The following TDRD10 variants were observed in gnomAD, a reference collection of about 807,000 sequenced individuals.
TDRD10 encodes the protein tudor domain-containing protein 10.
A neutral mutation model predicts 48.0 loss-of-function variants in TDRD10; 40 were observed. The observed-to-expected ratio is 0.83, with a 90% confidence interval of 0.65 to 1.09. TDRD10 has a LOEUF of 1.09. Among genes scored for constraint, TDRD10 ranks in the 50% least tolerant of loss-of-function variants. The probability of loss-of-function intolerance (pLI) is 0.00; values close to 1 mark genes in which losing one functional copy is unlikely to be tolerated. For missense variants in TDRD10, 378 were observed against 434.7 expected, an observed-to-expected ratio of 0.87 and a Z score of 1.16; for synonymous variants, 162 against 170.4, an observed-to-expected ratio of 0.95 and a Z score of 0.38.
chr1:154,505,817 C>A (rs953387144), intron 1 of TDRD10, among the ~76,000 whole-genome samples: 1 of 152,122 alleles, frequency 6.6e-6, no homozygotes, highest in Non-Finnish European at 1.5e-5. Flanking sequence ...CCCATAAAAT[C>A]CATAAAAATA....
intron 11 of TDRD10, 70 bp downstream of exon 11, chr1:154,545,019 G>C: frequency 3.8e-6 from 6 of 1,574,114 alleles, no homozygotes; most frequent in Non-Finnish European, 5.2e-6. Context: ...TCTGGGACCT[G>C]AACAGGAAGC....
intron 4 of TDRD10, among the ~76,000 whole-genome samples, chr1:154,515,739 A>T (rs997003475): frequency 2.0e-5 from 3 of 151,946 alleles, no homozygotes; most frequent in African/African-American, 7.3e-5. Flanking sequence ...TTTGAGATGG[A>T]ATTTCGCTCT....
intron 6 of TDRD10, among the ~76,000 whole-genome samples, chr1:154,525,460 C>T (rs79555859): frequency 0.012 from 1,874 of 152,220 alleles, 41 homozygotes; most frequent in African/African-American, 0.043. Flanking sequence ...AATACTACCC[C>T]TGAAAAGTTT....
intron 6 of TDRD10, 77 bp from the exon 7 acceptor site, chr1:154,541,947 C>T: frequency 1.4e-6 from 2 of 1,468,016 alleles, no homozygotes. Flanking sequence ...TCCCAGTCTA[C>T]CTGGAGTGAT....
chr1:154,542,892 G>A, intron 8 of TDRD10, 71 bp downstream of exon 8: 1 of 1,343,088 alleles, frequency 7.4e-7, no homozygotes, highest in African/African-American at 1.4e-5. Context: ...CAGAGAGTGG[G>A]GACAAGGATA....
At chr1:154,507,672 C>A (rs983106933) in intron 3 of TDRD10, among the ~76,000 whole-genome samples, 1 of 152,188 alleles carries the variant, frequency 6.6e-6, no homozygotes, top group African/African-American at 2.4e-5. Flanking sequence ...CCCGTATCAC[C>A]CAGCCAGTGG....
Position 154,544,023 on chromosome 1 carries a change from C to T in TDRD10, c.564C>T (p.Leu188=), listed in dbSNP as rs201077832. The change falls in exon 9 of 13, where the codon CTC becomes CTT. Residue 188 remains leucine (L), a synonymous_variant. Coordinates refer to ENST00000368482, the MANE Select transcript of TDRD10 (RefSeq NM_182499.4). ...ECFRDLSWLA[L]IHSVRGEAGL... is the part of the protein sequence containing the mutation. ...TCCGAGACCTGAGCTGGCTGGCACT[C>T]ATCCATAGCGTCCGTGGGGAGGCGG... The T allele has an allele frequency of 2.0e-5, 33 of 1,614,210 alleles. No individual in the cohort carries two copies. Among genetic ancestry groups the T allele is most frequent in the Non-Finnish European group, 1.9e-5 (22 of 1,180,050 alleles).
At position 154,547,955 on chromosome 1, in the gene TDRD10, C is replaced by G; in HGVS notation, c.*245C>G. ...ATTTGAACCAAACATAGGAAACTACCATTAGGTTGAAAGCCTGAGGCAGCT... is the reference window on the plus strand; with the variant it reads ...ATTTGAACCAAACATAGGAAACTACGATTAGGTTGAAAGCCTGAGGCAGCT... On this transcript the variant is annotated 3_prime_UTR_variant, in exon 13 of 13. Coordinates refer to ENST00000368482, the MANE Select transcript of TDRD10 (RefSeq NM_182499.4). The G allele has an allele frequency of 1.7e-6, 1 of 578,510 alleles. No homozygotes were observed. The highest frequency in any genetic ancestry group is 3.0e-6 in the Non-Finnish European group (1 of 328,088). The allele number at this position is 578,510 out of a possible 1,614,324, so 35.8% of individuals were successfully genotyped here.
intron 6 of TDRD10, among the ~76,000 whole-genome samples, chr1:154,525,635 T>G (rs1490012771): frequency 6.6e-6 from 1 of 152,170 alleles, no homozygotes; most frequent in Non-Finnish European, 1.5e-5. Flanking sequence ...GGCTAACACC[T>G]GTAATCCCAG....
chr1:154,507,460 C>A, intron 3 of TDRD10, 140 bp downstream of exon 3: 1 of 1,025,360 alleles, frequency 9.8e-7, no homozygotes. Context: ...CTCCAGTCAG[C>A]CACCATGTTT....
At chr1:154,543,209 A>G (rs1454682728) in intron 8 of TDRD10, among the ~76,000 whole-genome samples, 1 of 152,162 alleles carries the variant, frequency 6.6e-6, no homozygotes, top group Non-Finnish European at 1.5e-5. Flanking sequence ...CAGGAGGCAG[A>G]GGTTGCAGTG....
chr1:154,537,596 C>T (rs956846293), intron 6 of TDRD10, among the ~76,000 whole-genome samples: 2 of 152,096 alleles, frequency 1.3e-5, no homozygotes, highest in Admixed American at 6.6e-5. Flanking sequence ...GTTGTGGCAG[C>T]GAGCAGACTT....
chr1:154,529,481 G>C (rs1298788832), intron 6 of TDRD10, among the ~76,000 whole-genome samples: 1 of 151,850 alleles, frequency 6.6e-6, no homozygotes, highest in African/African-American at 2.4e-5. Flanking sequence ...GCCATTAAAA[G>C]TAATAGCAGA....
At position 154,521,440 on chromosome 1, in the gene TDRD10, G is replaced by A. The variant is rs781149619; in HGVS notation, c.330G>A (p.Lys110=). 2 of 1,614,120 alleles carry A rather than the reference G, an allele frequency of 1.2e-6. No homozygotes were observed. Among genetic ancestry groups the A allele is most frequent in the Non-Finnish European group, 1.7e-6 (2 of 1,180,030 alleles). The part of the protein sequence containing the change: ...LFVNTSKRPP[K]RTPDMIQQPR... ...TGAATACAAGCAAAAGGCCCCCCAA[G>A]AGGACCCCTGATATGATCCAGCAGC... The change falls in exon 6 of 13, where the codon AAG becomes AAA. Residue 110 remains lysine, a synonymous_variant. Transcript: ENST00000368482.
chr1:154,540,704 G>A (rs1466617899), intron 6 of TDRD10, among the ~76,000 whole-genome samples: 1 of 152,088 alleles, frequency 6.6e-6, no homozygotes, highest in African/African-American at 2.4e-5. Context: ...TGAGGGCTGG[G>A]GCTGCAGCTT....
At chr1:154,512,406 T>A (rs1255233031) in intron 4 of TDRD10, among the ~76,000 whole-genome samples, 2 of 152,096 alleles carry the variant, frequency 1.3e-5, no homozygotes, top group Non-Finnish European at 2.9e-5. Context: ...GTGCAATGGC[T>A]CGATCTTGGC....
intron 6 of TDRD10, among the ~76,000 whole-genome samples, chr1:154,535,636 G>A (rs1051570023): frequency 6.6e-6 from 1 of 152,086 alleles, no homozygotes; most frequent in Non-Finnish European, 1.5e-5. Flanking sequence ...AGCTATGATT[G>A]TGCCAGCACT....
intron 3 of TDRD10, among the ~76,000 whole-genome samples, chr1:154,507,785 A>G (rs1369743416): frequency 6.6e-6 from 1 of 152,028 alleles, no homozygotes; most frequent in Non-Finnish European, 1.5e-5. Flanking sequence ...GCAGTGTGCA[A>G]TCCACCTGGC....
At chr1:154,533,102 A>T (rs1346988235) in intron 6 of TDRD10, among the ~76,000 whole-genome samples, 1 of 152,234 alleles carries the variant, frequency 6.6e-6, no homozygotes, top group Non-Finnish European at 1.5e-5. Flanking sequence ...TTTATTGGGT[A>T]GGGGATGAAA....
Sources: gnomAD v4.1 joint callset for allele counts (sites outside exome capture counted in the v4.1 genomes callset) on GRCh38, gnomAD v4.1.1 for gene constraint, MANE v1.5 for transcripts, NCBI Gene and HGNC (gene_info 2026-07-23, HGNC 2026-07-21) for gene names.